The following CEP63 variants were observed in gnomAD, a reference collection of about 807,000 sequenced individuals.
CEP63 encodes the protein centrosomal protein 63.
Under a neutral mutation model 89.1 loss-of-function variants are expected in CEP63, and 84 were observed. The ratio of observed to expected loss-of-function variants is 0.94; its 90% confidence interval spans 0.79 to 1.13. The LOEUF is 1.13. Among genes scored for constraint, CEP63 ranks in the 50% most tolerant of loss-of-function variants. The pLI, the probability that CEP63 is intolerant of heterozygous loss-of-function variation, is 0.00. For missense variants in CEP63, 838 were observed against 813.3 expected (o/e 1.03, Z -0.37); for synonymous variants, 267 against 272.5 (o/e 0.98, Z 0.20).
chr3:134,597,719 C>G, the CEP63 span: 4 of 152,372 alleles, frequency 2.6e-5, no homozygotes, highest in African/African-American at 9.7e-5. Flanking sequence ...GTTGGGTTGG[C>G]TGGGACTTGG....
chr3:134,575,478 TCCC>T, downstream of CEP63, among the ~76,000 whole-genome samples: 1 of 97,240 alleles, frequency 1.0e-5, no homozygotes, highest in South Asian at 3.9e-4. Flanking sequence ...TCTTTCTCCC[TCCC>T]TCCCTCCCTC....
downstream of CEP63, among the ~76,000 whole-genome samples, chr3:134,569,614 C>A (rs1957934789): frequency 6.6e-6 from 1 of 152,210 alleles, no homozygotes; most frequent in Non-Finnish European, 1.5e-5. Context: ...GCCTCTCTCC[C>A]AGCTGCTTTC....
intron 6 of CEP63, among the ~76,000 whole-genome samples, chr3:134,542,242 C>T (rs982928881): frequency 2.6e-5 from 4 of 151,866 alleles, no homozygotes; most frequent in South Asian, 2.1e-4. Flanking sequence ...TATATTTATA[C>T]GTATATATGT....
chr3:134,633,553 T>G, the CEP63 span, among the ~76,000 whole-genome samples: 1 of 152,074 alleles, frequency 6.6e-6, no homozygotes. Context: ...AAATTTAACA[T>G]CCGTTCATGA....
At chr3:134,506,943 A>AG (rs1943606512) in intron 2 of CEP63, among the ~76,000 whole-genome samples, 166 bp from the exon 3 acceptor site, 1 of 150,018 alleles carries the variant, frequency 6.7e-6, no homozygotes, top group Non-Finnish European at 1.5e-5. Flanking sequence ...AAAAAAAAAA[A>AG]GCTCAGCAAT....
chr3:134,669,150 C>T, the CEP63 span, among the ~76,000 whole-genome samples: 4 of 151,960 alleles, frequency 2.6e-5, no homozygotes, highest in Admixed American at 2.0e-4. Context: ...CTCAGCCTCT[C>T]GAGTAGCTGG....
chr3:134,619,142 T>A, the CEP63 span: 10 of 1,611,574 alleles, frequency 6.2e-6, no homozygotes, highest in African/African-American at 1.3e-4. Flanking sequence ...CTCCTGTCTC[T>A]CGTACCTGCA....
the CEP63 span, chr3:134,620,965 T>C: frequency 1.4e-6 from 1 of 713,388 alleles, no homozygotes. Context: ...GCAGAGAAGC[T>C]GGAGGAGAGG....
chr3:134,597,384 T>A, the CEP63 span, among the ~76,000 whole-genome samples: 22 of 152,308 alleles, frequency 1.4e-4, no homozygotes, highest in African/African-American at 5.3e-4. Context: ...GATTGCTGGA[T>A]CCCAGATGGC....
At chr3:134,513,582 G>A (rs974195015) in intron 3 of CEP63, among the ~76,000 whole-genome samples, 1 of 151,888 alleles carries the variant, frequency 6.6e-6, no homozygotes, top group Non-Finnish European at 1.5e-5. Context: ...CCAGGGTTTG[G>A]GGCCATTATT....
chr3:134,529,637 G>A (rs1020795264), intron 3 of CEP63, among the ~76,000 whole-genome samples: 3 of 151,178 alleles, frequency 2.0e-5, no homozygotes, highest in East Asian at 3.9e-4. Context: ...CACCGCACCC[G>A]GCCCCAACAA....
chr3:134,661,549 AT>A, the CEP63 span, among the ~76,000 whole-genome samples: 1 of 151,694 alleles, frequency 6.6e-6, no homozygotes, highest in East Asian at 1.9e-4. Context: ...GAAGATAACA[AT>A]GGAATTGAAG....
chr3:134,556,421 A>G (rs1428364239), intron 12 of CEP63, among the ~76,000 whole-genome samples: 1 of 152,084 alleles, frequency 6.6e-6, no homozygotes, highest in Non-Finnish European at 1.5e-5. Flanking sequence ...GAGAGGAGAC[A>G]ATAGCTAAAC....
At chr3:134,621,985 G>A in the CEP63 span, among the ~76,000 whole-genome samples, 2 of 152,198 alleles carry the variant, frequency 1.3e-5, no homozygotes, top group Non-Finnish European at 2.9e-5. Flanking sequence ...TTAGTCATGA[G>A]AGAAATGTAA....
the CEP63 span, among the ~76,000 whole-genome samples, chr3:134,754,963 C>T: frequency 6.6e-6 from 1 of 152,064 alleles, no homozygotes; most frequent in African/African-American, 2.4e-5. Flanking sequence ...CAGCTGCACC[C>T]TGGGCTCCCT....
At chr3:134,664,955 A>G in the CEP63 span, among the ~76,000 whole-genome samples, 1 of 152,152 alleles carries the variant, frequency 6.6e-6, no homozygotes, top group Admixed American at 6.5e-5. Context: ...CAGGAAGAAG[A>G]GAAGGAAATG....
the CEP63 span, among the ~76,000 whole-genome samples, chr3:134,770,417 A>G: frequency 6.6e-6 from 1 of 152,180 alleles, no homozygotes. Context: ...TAGCATAAGG[A>G]TTGCACAAAT....
the CEP63 span, among the ~76,000 whole-genome samples, chr3:134,665,063 G>A: frequency 6.6e-6 from 1 of 152,182 alleles, no homozygotes; most frequent in Non-Finnish European, 1.5e-5. Flanking sequence ...CAGGTCAGGT[G>A]CACAAGGCCA....
chr3:134,778,575 T>A, the CEP63 span, among the ~76,000 whole-genome samples: 5 of 152,096 alleles, frequency 3.3e-5, no homozygotes, highest in Non-Finnish European at 5.9e-5. Flanking sequence ...TTTTGTTTTT[T>A]TGAGACAGAG....
Sources: gnomAD v4.1 joint callset for allele counts (sites outside exome capture counted in the v4.1 genomes callset) on GRCh38, gnomAD v4.1.1 for gene constraint, MANE v1.5 for transcripts, NCBI Gene and HGNC (gene_info 2026-07-23, HGNC 2026-07-21) for gene names.